The following PHF14 variants were observed in gnomAD, a reference collection of about 807,000 sequenced individuals.
PHF14 encodes the protein PHD finger protein 14.
In PHF14, 55 loss-of-function variants were observed where a neutral mutation model predicts 117.9. The ratio of observed to expected loss-of-function variants is 0.47; its 90% CI spans 0.38 to 0.58. The LOEUF is 0.58. PHF14 is among the 20% of genes least tolerant of loss of function. The pLI, the probability that PHF14 is intolerant of heterozygous loss-of-function variation, is 0.00. For synonymous variants in PHF14, 409 were observed against 368.6 expected (o/e 1.11, Z -1.26); for missense variants, 978 against 1,122.2 (o/e 0.87, Z 1.84).
At chr7:11,119,921 TA>T (rs982384099) in intron 17 of PHF14, among the ~76,000 whole-genome samples, 13 of 151,946 alleles carry the variant, frequency 8.6e-5, no homozygotes, top group Non-Finnish European at 1.6e-4. Context: ...TGATAAGTTG[TA>T]AATTAGAGGT....
At chr7:11,096,861 A>G (rs1358907530) in intron 16 of PHF14, among the ~76,000 whole-genome samples, 2 of 151,914 alleles carry the variant, frequency 1.3e-5, no homozygotes, top group Non-Finnish European at 2.9e-5. Flanking sequence ...TTATCACTAT[A>G]TACTGGAAAA....
intron 14 of PHF14, among the ~76,000 whole-genome samples, chr7:11,056,850 A>G (rs1292728681): frequency 6.7e-6 from 1 of 150,024 alleles, no homozygotes; most frequent in Admixed American, 6.7e-5. Context: ...TAAATTTTAT[A>G]TTGAAGCATT....
chr7:11,107,172 A>G (rs886391918), intron 16 of PHF14: 15 of 984,614 alleles, frequency 1.5e-5, no homozygotes, highest in Non-Finnish European at 1.8e-5. Flanking sequence ...ATTCGATGAA[A>G]TAAATCAGCT....
At chr7:11,039,614 T>C (rs1784437825) in intron 11 of PHF14, among the ~76,000 whole-genome samples, 2 of 152,192 alleles carry the variant, frequency 1.3e-5, no homozygotes, top group South Asian at 4.1e-4. Flanking sequence ...TGAAGGAGCT[T>C]TTCGAACAGA....
chr7:11,002,901 G>C (rs1227218732), intron 4 of PHF14, among the ~76,000 whole-genome samples: 1 of 152,156 alleles, frequency 6.6e-6, no homozygotes, highest in Non-Finnish European at 1.5e-5. Context: ...CTGCTAAAGA[G>C]ATGTGCCACC....
chr7:11,017,390 C>G (rs1783569897), intron 5 of PHF14, among the ~76,000 whole-genome samples: 1 of 152,134 alleles, frequency 6.6e-6, no homozygotes. Context: ...TCTCCACATT[C>G]TTGCCAACAT....
intron 17 of PHF14, among the ~76,000 whole-genome samples, chr7:11,158,347 T>A (rs2128356163): frequency 6.6e-6 from 1 of 152,232 alleles, no homozygotes; most frequent in East Asian, 1.9e-4. Flanking sequence ...TTTCTCATGA[T>A]TAGATTGAGT....
chr7:11,001,486 G>C (rs1782871343), intron 4 of PHF14, among the ~76,000 whole-genome samples: 1 of 152,140 alleles, frequency 6.6e-6, no homozygotes, highest in African/African-American at 2.4e-5. Flanking sequence ...AAGTTGGGAA[G>C]AAATGACATC....
Position 11,130,719 on chromosome 7 carries a change from T to C in PHF14, c.2772+19252T>C, listed in dbSNP as rs1053583186. 6.6e-6 allele frequency among the ~76,000 whole-genome samples: 1 copy of C among 151,940 alleles called. No individual in the cohort carries two copies. On this transcript the variant is annotated intron_variant, in intron 17 of 17. Transcript: ENST00000634607. The surrounding 1 kb of genome is among the most constrained non-coding windows in gnomAD (Gnocchi z 4.2). ...TTTACATTATAACTTATTTTTTGTG[T>C]GGTACATTCTGTGGGTTTTGACAGT...
intron 16 of PHF14, among the ~76,000 whole-genome samples, chr7:11,067,971 G>A (rs926797301): frequency 6.6e-6 from 1 of 152,120 alleles, no homozygotes; most frequent in South Asian, 2.1e-4. Context: ...CCTAAAGTGG[G>A]ATCACATTTC....
chr7:11,075,294 T>A (rs1017961654), intron 16 of PHF14, among the ~76,000 whole-genome samples: 27 of 152,128 alleles, frequency 1.8e-4, no homozygotes, highest in African/African-American at 6.3e-4. Context: ...TCTCTGTTAG[T>A]TGATGTTGCC....
At chr7:11,139,987 C>A (rs1159966763) in intron 17 of PHF14, among the ~76,000 whole-genome samples, 3 of 152,090 alleles carry the variant, frequency 2.0e-5, no homozygotes, top group Non-Finnish European at 4.4e-5. Flanking sequence ...GCAGTAACTT[C>A]CAGAGGTCTT....
In PHF14 at chr7:11,062,095, A is replaced by G; in HGVS notation, c.2654+10A>G. 1 of 1,599,492 alleles carries G rather than the reference A, an allele frequency of 6.3e-7. No individual in the cohort carries two copies. The highest frequency in any genetic ancestry group is 1.1e-5 in the South Asian group (1 of 87,466). ...ATGAAAATCTTGTCAGGTAAGTTGG[A>G]TGCTAAAACCTTGTCTTTAGGGGAT... On this transcript the variant is annotated intron_variant, in intron 16 of 17. Transcript: ENST00000634607.
chr7:11,003,153 A>G (rs1782941012), intron 4 of PHF14, among the ~76,000 whole-genome samples: 1 of 151,938 alleles, frequency 6.6e-6, no homozygotes, highest in African/African-American at 2.4e-5. Flanking sequence ...GTTGGCCAGG[A>G]TGGTCTTGAT....
chr7:11,045,047 C>G (rs1287174633), intron 13 of PHF14, among the ~76,000 whole-genome samples: 2 of 152,178 alleles, frequency 1.3e-5, no homozygotes, highest in Admixed American at 1.3e-4. Context: ...ATAGTTGCTA[C>G]TACACACCCT....
rs1451497203 is a variant in PHF14 at position 11,035,908 on chromosome 7, ATGGATTGTGATTAAGGTAAATAG to A, written c.1602+125_1602+147del. On this transcript the variant is annotated intron_variant, in intron 8 of 17. Transcript: ENST00000634607. ...GGAAGTTTGGTTAGTTACCTAGGAA[ATGGATTGTGATTAAGGTAAATAG>A]TGAGTATAATTTTTGGCTGAATACA... 5 of 726,760 alleles carry A rather than the reference ATGGATTGTGATTAAGGTAAATAG, an allele frequency of 6.9e-6. No individual in the cohort carries two copies. In the African/African-American group the frequency reaches 8.8e-5, roughly 13 times the overall value. The allele number at this position is 726,760 out of a possible 1,614,324, so 45.0% of individuals were successfully genotyped here.
intron 17 of PHF14, among the ~76,000 whole-genome samples, chr7:11,156,220 C>T (rs970713159): frequency 4.6e-5 from 7 of 152,192 alleles, no homozygotes; most frequent in Admixed American, 6.5e-5. Flanking sequence ...AAAATAGGGA[C>T]GTTATTTTTG....
chr7:11,087,934 C>T (rs1203826980), intron 16 of PHF14, among the ~76,000 whole-genome samples: 1 of 152,016 alleles, frequency 6.6e-6, no homozygotes. Flanking sequence ...TTAAAAGTTA[C>T]CCAGGGCAAT....
chr7:10,980,016 A>G (rs1208644593), intron 2 of PHF14, among the ~76,000 whole-genome samples: 1 of 152,180 alleles, frequency 6.6e-6, no homozygotes, highest in Non-Finnish European at 1.5e-5. Context: ...TTATAAATCA[A>G]AAACAGAATC....
Sources: gnomAD v4.1 joint callset for allele counts (sites outside exome capture counted in the v4.1 genomes callset) on GRCh38, gnomAD v4.1.1 for gene constraint, Gnocchi (gnomAD v3.1) non-coding constraint, MANE v1.5 for transcripts, NCBI Gene and HGNC (gene_info 2026-07-23, HGNC 2026-07-21) for gene names.